The following PHF20 variants were observed in gnomAD, a reference collection of about 807,000 sequenced individuals.
PHF20 encodes the protein PHD finger protein 20.
Under a neutral mutation model 113.5 loss-of-function variants are expected in PHF20, and 23 were observed. The observed-to-expected ratio is 0.20, with a 90% confidence interval of 0.15 to 0.29. PHF20 has a LOEUF of 0.29. Ranked by LOEUF, PHF20 falls within the 10% of genes least tolerant of loss-of-function variation. The pLI is 1.00. For missense variants in PHF20, 943 were observed against 1,219.6 expected (o/e 0.77, Z 3.38); for synonymous variants, 434 against 457.3 (o/e 0.95, Z 0.65).
chr20:35,855,232 C>G, intron 4 of PHF20: 1 of 1,326,172 alleles, frequency 7.5e-7, no homozygotes, highest in Admixed American at 2.0e-5. Flanking sequence ...ATCATAACTG[C>G]TTTGCTTGCC....
chr20:35,945,915 C>G (rs2056075983), intron 17 of PHF20, among the ~76,000 whole-genome samples: 2 of 152,136 alleles, frequency 1.3e-5, no homozygotes, highest in African/African-American at 4.8e-5. Context: ...TGCCTGTAAT[C>G]CTAGCACTTT....
chr20:35,865,087 G>C (rs1405607608), intron 6 of PHF20, among the ~76,000 whole-genome samples: 3 of 152,100 alleles, frequency 2.0e-5, no homozygotes, highest in Admixed American at 1.3e-4. Flanking sequence ...AGCTACTCAG[G>C]AGGCTGAGGC....
At chr20:35,904,794 C>CTTCCTTCCTTCCTTCA (rs1600909756) in intron 10 of PHF20, among the ~76,000 whole-genome samples, 1 of 149,536 alleles carries the variant, frequency 6.7e-6, no homozygotes, top group East Asian at 2.0e-4. Flanking sequence ...TCCTTCCTTC[C>CTTCCTTCCTTCCTTCA]TTCCTTCCTT....
intron 7 of PHF20, among the ~76,000 whole-genome samples, chr20:35,870,147 A>G (rs2054392404): frequency 6.6e-6 from 1 of 151,934 alleles, no homozygotes; most frequent in African/African-American, 2.4e-5. Flanking sequence ...TACTAAAAAT[A>G]TAAAAAATTA....
chr20:35,938,526 G>T, intron 15 of PHF20, 171 bp from the exon 16 acceptor site: 4 of 651,016 alleles, frequency 6.1e-6, no homozygotes. Context: ...CTAAGGAGTG[G>T]TCTCCTAGGA....
At chr20:35,882,651 C>T (rs1443225861) in intron 9 of PHF20, among the ~76,000 whole-genome samples, 2 of 152,232 alleles carry the variant, frequency 1.3e-5, no homozygotes, top group Admixed American at 1.3e-4. Flanking sequence ...TAGTCTTGAA[C>T]TCTGGGCCTC....
At position 35,811,132 on chromosome 20, in the gene PHF20, C is replaced by T. The variant is rs540336829; in HGVS notation, c.83+9527C>T. ...CGTGATCTCGGCTCACTGCAACCTC[C>T]GCCTCCAGGGTTCAAGCGATTCTCC... is the stretch of plus-strand genomic sequence containing the variant. On this transcript the variant is annotated intron_variant, in intron 2 of 17. Transcript: ENST00000374012. Among the ~76,000 whole-genome samples the T allele has an allele frequency of 8.6e-5, 13 of 150,894 alleles. No homozygotes were observed. In the East Asian group the frequency reaches 2.4e-3, roughly 28 times the overall value.
At position 35,937,481 on chromosome 20, in the gene PHF20, A is replaced by AG. The variant is rs2055887320; in HGVS notation, c.2301-1216_2301-1215insG. Among the ~76,000 whole-genome samples the AG allele has an allele frequency of 2.6e-5, 4 of 152,030 alleles. No homozygotes were observed. In the East Asian group the frequency reaches 5.8e-4, roughly 22 times the overall value. ...GAAACTCCGTCTCAAAAAAAAAAAA[A>AG]AGAAAGAAAGAAAGGAGTGTCTGGG... On this transcript the variant is annotated intron_variant, in intron 15 of 17. Transcript: ENST00000374012.
chr20:35,868,280 C>G (rs1033254376), intron 6 of PHF20, among the ~76,000 whole-genome samples: 5 of 149,860 alleles, frequency 3.3e-5, no homozygotes, highest in Non-Finnish European at 5.9e-5. Context: ...GCAACGAGAG[C>G]AAAACTCTAT....
intron 4 of PHF20, among the ~76,000 whole-genome samples, chr20:35,857,515 A>G (rs996842118): frequency 1.3e-5 from 2 of 151,874 alleles, no homozygotes; most frequent in Non-Finnish European, 1.5e-5. Flanking sequence ...AGTTGTGGAA[A>G]TAGAACACAT....
intron 1 of PHF20, among the ~76,000 whole-genome samples, chr20:35,799,631 A>T (rs2041739441): frequency 6.6e-6 from 1 of 151,928 alleles, no homozygotes; most frequent in South Asian, 2.1e-4. Context: ...CCTGCAGATT[A>T]GTAGATTAAT....
chr20:35,782,262 G>GTTTTTTTTTTTTTTTTTTTTTTTTT (rs11480471), intron 1 of PHF20: 1 of 143,476 alleles, frequency 7.0e-6, no homozygotes, highest in Non-Finnish European at 1.5e-5. Flanking sequence ...TTCTTGTTTT[G>GTTTTTTTTTTTTTTTTTTTTTTTTT]TTTTTTTTTT....
chr20:35,856,395 G>A (rs935360861), intron 4 of PHF20: 4 of 152,224 alleles, frequency 2.6e-5, no homozygotes, highest in Non-Finnish European at 5.9e-5. Context: ...GCACATTCCT[G>A]TGCCCTGTTC....
At chr20:35,947,422 T>A (rs962258581) in intron 17 of PHF20, 63 bp from the exon 18 acceptor site, 1 of 1,553,094 alleles carries the variant, frequency 6.4e-7, no homozygotes, top group African/African-American at 1.4e-5. Flanking sequence ...AAATGCTTGC[T>A]GATGTTCTTG....
chr20:35,847,281 GGTATGTCCT>G (rs1471405028), intron 3 of PHF20, 60 bp from the exon 4 acceptor site: 5 of 997,200 alleles, frequency 5.0e-6, no homozygotes, highest in African/African-American at 3.3e-5. Flanking sequence ...TATGAGATCT[GGTATGTCCT>G]GTATGTCCTG....
chr20:35,774,287 G>A (rs999591043), intron 1 of PHF20, among the ~76,000 whole-genome samples: 1 of 151,888 alleles, frequency 6.6e-6, no homozygotes, highest in Non-Finnish European at 1.5e-5. Flanking sequence ...GTTTCACTGT[G>A]GTCTCGATCT....
chr20:35,829,968 C>T (rs2042330665), intron 2 of PHF20, among the ~76,000 whole-genome samples: 1 of 151,726 alleles, frequency 6.6e-6, no homozygotes, highest in Non-Finnish European at 1.5e-5. Context: ...GGCTGGAGTG[C>T]AGTGGTGCGA....
At chr20:35,905,692 C>T (rs6060675) in intron 10 of PHF20, among the ~76,000 whole-genome samples, 39,465 of 152,080 alleles carry the variant, frequency 0.26, 6,152 homozygotes, top group African/African-American at 0.44. Context: ...GACTAACCCA[C>T]GCCTTAAGGA....
rs1175170025 is a variant in PHF20, at chr20:35,897,671, A to T, written c.1283-1699A>T. Among the ~76,000 whole-genome samples the T allele has an allele frequency of 2.1e-5, 3 of 144,134 alleles. No homozygotes were observed. In the East Asian group the frequency reaches 6.2e-4, roughly 30 times the overall value. The allele number at this position is 144,134 out of a possible 152,430, so 94.6% of individuals were successfully genotyped here. A position where few individuals can be genotyped will look rare whatever the true frequency, so the allele number is the denominator to read the frequency against. On this transcript the variant is annotated intron_variant, in intron 9 of 17. Coordinates refer to ENST00000374012, the MANE Select transcript of PHF20 (RefSeq NM_016436.5). ...AAACTCCGCCTCCTGGGTTCAAGCC[A>T]TTCTCCTGTTTCAGCCTTCTGGGTA... is the stretch of plus-strand genomic sequence containing the variant.
Sources: gnomAD v4.1 joint callset for allele counts (sites outside exome capture counted in the v4.1 genomes callset) on GRCh38, gnomAD v4.1.1 for gene constraint, MANE v1.5 for transcripts, NCBI Gene and HGNC (gene_info 2026-07-23, HGNC 2026-07-21) for gene names.